The following VIT variants were observed in gnomAD, a reference collection of about 807,000 sequenced individuals.
VIT encodes the protein vitrin.
A neutral mutation model predicts 78.0 loss-of-function variants in VIT; 99 were observed. The ratio of observed to expected loss-of-function variants is 1.27; its 90% CI spans 1.08 to 1.50. The LOEUF is 1.50. VIT is among the 40% of genes most tolerant of loss of function. The probability of loss-of-function intolerance (pLI) is 0.00; values close to 1 mark genes in which losing one functional copy is unlikely to be tolerated. For missense variants in VIT, 1,126 were observed against 875.3 expected, an observed-to-expected ratio of 1.29 and a Z score of -3.61; for synonymous variants, 374 against 334.3, an observed-to-expected ratio of 1.12 and a Z score of -1.29.
At chr2:36,797,840 C>T (rs1296860412) in intron 12 of VIT, among the ~76,000 whole-genome samples, 1 of 152,148 alleles carries the variant, frequency 6.6e-6, no homozygotes, top group African/African-American at 2.4e-5. Context: ...AATGTTAATG[C>T]TGTTAATTGA....
intron 3 of VIT, among the ~76,000 whole-genome samples, chr2:36,742,579 T>C (rs11695647): frequency 0.8 from 121,237 of 151,936 alleles, 50,562 homozygotes; most frequent in Non-Finnish European, 0.92. Context: ...CAAGCCTTCT[T>C]AATTTGGTCC....
intron 13 of VIT, among the ~76,000 whole-genome samples, chr2:36,801,722 G>C (rs1666342018): frequency 6.7e-6 from 1 of 150,136 alleles, no homozygotes; most frequent in Admixed American, 6.7e-5. Flanking sequence ...GTTGCAGTGA[G>C]CCAAGATGGC....
chr2:36,726,669 A>C (rs918323249), intron 2 of VIT, among the ~76,000 whole-genome samples: 1 of 152,080 alleles, frequency 6.6e-6, no homozygotes, highest in Non-Finnish European at 1.5e-5. Flanking sequence ...AAATACAAAA[A>C]TTAGCCAGGT....
intron 3 of VIT, among the ~76,000 whole-genome samples, chr2:36,741,709 T>C (rs1467055655): frequency 6.6e-6 from 1 of 152,106 alleles, no homozygotes; most frequent in Non-Finnish European, 1.5e-5. Flanking sequence ...ACTCTTAGCA[T>C]TGGGAGAGGT....
rs1339176059 is a variant in VIT at position 36,755,041 on chromosome 2, C to G, written c.396C>G (p.Ser132=). ...QSLSLPRWRE[S]FIVLESKPKK... ...TATCCCTACCACGATGGAGAGAATC[C>G]TTTATCGTCTTAGGTATGACCACAC... The change falls in exon 5 of 16, where the codon TCC becomes TCG. Residue 132 remains serine (S), a synonymous_variant. Transcript: ENST00000379242. The G allele has an allele frequency of 6.2e-7, 1 of 1,613,908 alleles. No homozygotes were observed. Among genetic ancestry groups the G allele is most frequent in the African/African-American group, 1.3e-5 (1 of 74,910 alleles).
chr2:36,702,224 C>T (rs1665104144), intron 1 of VIT, among the ~76,000 whole-genome samples: 1 of 152,080 alleles, frequency 6.6e-6, no homozygotes, highest in Non-Finnish European at 1.5e-5. Context: ...GCCAGTGTGT[C>T]TGCAGCAAGC....
At chr2:36,777,523 G>T (rs1383501612) in intron 9 of VIT, among the ~76,000 whole-genome samples, 1 of 152,098 alleles carries the variant, frequency 6.6e-6, no homozygotes, top group Non-Finnish European at 1.5e-5. Flanking sequence ...TGCCTCTCTA[G>T]TCCTCAATAC....
chr2:36,759,993 CT>C (rs879361858), intron 6 of VIT, among the ~76,000 whole-genome samples: 215 of 98,306 alleles, frequency 2.2e-3, no homozygotes, highest in African/African-American at 5.0e-3. Context: ...TTTTCTTTCT[CT>C]TTTTTTTTTT....
chr2:36,752,241 C>A (rs978761836), intron 4 of VIT, among the ~76,000 whole-genome samples: 7 of 152,180 alleles, frequency 4.6e-5, no homozygotes, highest in Non-Finnish European at 7.3e-5. Context: ...TGGCCAAGTG[C>A]AGGGGAGAGG....
chr2:36,700,094 A>G (rs367588077), intron 1 of VIT, among the ~76,000 whole-genome samples: 7 of 152,316 alleles, frequency 4.6e-5, no homozygotes, highest in African/African-American at 1.4e-4. Context: ...ATAATCTTCA[A>G]ACTTTTACAC....
At chr2:36,733,021 G>GA (rs1426870850) in intron 3 of VIT, among the ~76,000 whole-genome samples, 1 of 152,192 alleles carries the variant, frequency 6.6e-6, no homozygotes, top group Non-Finnish European at 1.5e-5. Flanking sequence ...GGAAAAAGAT[G>GA]AAAAGCAAAG....
At chr2:36,719,230 T>A (rs1666344324) in intron 2 of VIT, among the ~76,000 whole-genome samples, 1 of 152,138 alleles carries the variant, frequency 6.6e-6, no homozygotes, top group African/African-American at 2.4e-5. Flanking sequence ...ACAGCTAATA[T>A]CATAATCAAT....
At chr2:36,792,372 A>G (rs774692309) in intron 12 of VIT, among the ~76,000 whole-genome samples, 1 of 152,172 alleles carries the variant, frequency 6.6e-6, no homozygotes, top group Non-Finnish European at 1.5e-5. Flanking sequence ...CCCAAGAATC[A>G]TAAGATTCTG....
intron 15 of VIT, among the ~76,000 whole-genome samples, chr2:36,811,876 A>G (rs1667198914): frequency 6.6e-6 from 1 of 151,948 alleles, no homozygotes; most frequent in South Asian, 2.1e-4. Context: ...GAGTTTCACC[A>G]TGTTGGCTAG....
intron 6 of VIT, among the ~76,000 whole-genome samples, chr2:36,765,423 GAGAGAGAGAGAA>G (rs764139250): frequency 4.8e-4 from 66 of 137,374 alleles, no homozygotes; most frequent in Non-Finnish European, 5.4e-4. Context: ...GCGAGAGAGA[GAGAGAGAGAGAA>G]AGAGAGAGAG....
chr2:36,716,020 C>T (rs1666112823), intron 1 of VIT, among the ~76,000 whole-genome samples: 1 of 152,064 alleles, frequency 6.6e-6, no homozygotes, highest in African/African-American at 2.4e-5. Context: ...TTCTGAATGC[C>T]ATAAATGTGG....
chr2:36,787,050 G>T, intron 11 of VIT, 79 bp from the exon 12 acceptor site: 1 of 1,556,200 alleles, frequency 6.4e-7, no homozygotes. Context: ...GGCTCTGATG[G>T]AGAAAGAGGA....
At chr2:36,734,043 A>T (rs190072493) in intron 3 of VIT, among the ~76,000 whole-genome samples, 296 of 152,304 alleles carry the variant, frequency 1.9e-3, no homozygotes, top group South Asian at 7.3e-3. Context: ...TGGCTCCTGG[A>T]CCGGCAGCAT....
intron 1 of VIT, among the ~76,000 whole-genome samples, chr2:36,710,176 T>C (rs1198839474): frequency 6.6e-6 from 1 of 152,232 alleles, no homozygotes; most frequent in Non-Finnish European, 1.5e-5. Flanking sequence ...ACAACAATAC[T>C]TCTTAAGTGT....
Sources: allele counts gnomAD v4.1 joint callset (sites outside exome capture counted in the v4.1 genomes callset), GRCh38; gene constraint gnomAD v4.1.1; transcripts MANE v1.5; gene names NCBI Gene and HGNC (gene_info 2026-07-23, HGNC 2026-07-21).